The following SLC25A13 variants were observed in gnomAD, a reference collection of about 807,000 sequenced individuals.
SLC25A13 encodes the protein electrogenic aspartate/glutamate antiporter SLC25A13, mitochondrial.
In SLC25A13, 70 loss-of-function variants were observed where a neutral mutation model predicts 85.5. That is an observed-to-expected ratio of 0.82 (90% CI 0.68 to 1.00). SLC25A13 has a LOEUF of 1.00. Ranked by LOEUF, SLC25A13 falls within the 50% of genes least tolerant of loss-of-function variation. SLC25A13 has a pLI of 0.00. For synonymous variants in SLC25A13, 259 were observed against 288.7 expected (o/e 0.90, Z 1.04); for missense variants, 765 against 819.8 (o/e 0.93, Z 0.82).
chr7:96,185,801 G>A (rs1427707645), intron 9 of SLC25A13, among the ~76,000 whole-genome samples: 1 of 151,856 alleles, frequency 6.6e-6, no homozygotes, highest in East Asian at 1.9e-4. Context: ...TTGGGAAGCT[G>A]AGGCAGGAGA....
chr7:96,240,290 C>T (rs955646795), intron 3 of SLC25A13, among the ~76,000 whole-genome samples: 14 of 152,068 alleles, frequency 9.2e-5, no homozygotes, highest in Admixed American at 3.9e-4. Flanking sequence ...ACTGAAATTG[C>T]GAACACATGA....
chr7:96,228,792 T>G (rs1345819870), intron 4 of SLC25A13, among the ~76,000 whole-genome samples: 1 of 152,158 alleles, frequency 6.6e-6, no homozygotes, highest in Non-Finnish European at 1.5e-5. Flanking sequence ...CCGCGGGCCC[T>G]GCACTCGGAG....
chr7:96,154,078 A>G (rs1793155232), intron 13 of SLC25A13, among the ~76,000 whole-genome samples: 1 of 152,172 alleles, frequency 6.6e-6, no homozygotes, highest in African/African-American at 2.4e-5. Context: ...TCCTAAGTTA[A>G]TCTAAATTCA....
At chr7:96,189,785 A>C in intron 7 of SLC25A13, 111 bp from the exon 8 acceptor site, 1 of 918,834 alleles carries the variant, frequency 1.1e-6, no homozygotes, top group Non-Finnish European at 1.8e-6. Context: ...TATTATTATC[A>C]TCAGTTGTAG....
intron 14 of SLC25A13, among the ~76,000 whole-genome samples, chr7:96,134,433 T>TA (rs1792176642): frequency 6.6e-6 from 1 of 151,850 alleles, no homozygotes; most frequent in Non-Finnish European, 1.5e-5. Context: ...CATTAAAGTT[T>TA]AAAAAAAGGG....
At chr7:96,296,714 C>T (rs756942122) in intron 2 of SLC25A13, among the ~76,000 whole-genome samples, 184 bp downstream of exon 2, 2 of 152,158 alleles carry the variant, frequency 1.3e-5, no homozygotes, top group Non-Finnish European at 2.9e-5. Context: ...CTCCTGACCT[C>T]AGGGGATCCA....
chr7:96,185,192 T>G (rs1264763634), intron 9 of SLC25A13, among the ~76,000 whole-genome samples, 181 bp from the exon 10 acceptor site: 1 of 152,232 alleles, frequency 6.6e-6, no homozygotes, highest in East Asian at 1.9e-4. Context: ...TAAAAAGATT[T>G]TAGTGCTATT....
intron 11 of SLC25A13, among the ~76,000 whole-genome samples, chr7:96,171,741 G>A (rs1046302376): frequency 6.6e-6 from 1 of 152,066 alleles, no homozygotes; most frequent in African/African-American, 2.4e-5. Flanking sequence ...ATTCTGGATC[G>A]TTTGCACATT....
chr7:96,267,884 T>C (rs998660189), intron 3 of SLC25A13, among the ~76,000 whole-genome samples: 8 of 152,166 alleles, frequency 5.3e-5, no homozygotes, highest in Non-Finnish European at 1.2e-4. Flanking sequence ...CAAGGCGGTA[T>C]GGTGAATCTG....
intron 15 of SLC25A13, among the ~76,000 whole-genome samples, chr7:96,129,037 A>G (rs538618394): frequency 1.3e-5 from 2 of 149,308 alleles, no homozygotes; most frequent in South Asian, 2.1e-4. Flanking sequence ...AAGTTGACCA[A>G]TGGAGAGGCC....
intron 2 of SLC25A13, chr7:96,283,722 C>T: frequency 3.7e-6 from 1 of 267,154 alleles, no homozygotes; most frequent in Non-Finnish European, 7.3e-6. Context: ...CTGGTGTCAG[C>T]CTGCTCCACG....
intron 1 of SLC25A13, among the ~76,000 whole-genome samples, chr7:96,318,521 C>T (rs1048245898): frequency 4.6e-5 from 7 of 152,124 alleles, no homozygotes; most frequent in Non-Finnish European, 8.8e-5. Flanking sequence ...TTGAGATAAT[C>T]TCAGAATACT....
At chr7:96,229,740 G>A (rs1456663698) in intron 4 of SLC25A13, among the ~76,000 whole-genome samples, 1 of 152,144 alleles carries the variant, frequency 6.6e-6, no homozygotes, top group Admixed American at 6.5e-5. Context: ...GCGAAAGTCT[G>A]CAGCTTCACT....
intron 5 of SLC25A13, 148 bp from the exon 6 acceptor site, chr7:96,193,331 A>C: frequency 1.1e-6 from 1 of 936,306 alleles, no homozygotes; most frequent in Non-Finnish European, 1.6e-6. Flanking sequence ...CCACCAAGCT[A>C]CTGTCTCCTT....
chr7:96,155,788 T>C (rs963066983), intron 13 of SLC25A13, among the ~76,000 whole-genome samples: 2 of 152,224 alleles, frequency 1.3e-5, no homozygotes, highest in African/African-American at 4.8e-5. Context: ...TAGGAGGCAC[T>C]GTGCTAAACT....
intron 3 of SLC25A13, among the ~76,000 whole-genome samples, chr7:96,241,171 T>G (rs1796983245): frequency 6.7e-6 from 1 of 149,618 alleles, no homozygotes; most frequent in African/African-American, 2.5e-5. Flanking sequence ...ACAGCAAGAG[T>G]CTCAAAGATG....
chr7:96,131,700 G>C lies in SLC25A13; in HGVS notation c.1591+43C>G, dbSNP rs1002312963. 3 of 1,612,638 alleles carry C rather than the reference G, an allele frequency of 1.9e-6. No homozygotes were observed. In the East Asian group the frequency reaches 6.7e-5, roughly 36 times the overall value. ...AGCATGCAGCTAGGGAAGGGGGGCA[G>C]CAAGGGTCAGGGAAGTAAGAGAACT... On this transcript the variant is annotated intron_variant, in intron 15 of 17. Transcript: ENST00000265631.
chr7:96,280,883 A>G (rs1408375243), intron 2 of SLC25A13, among the ~76,000 whole-genome samples: 2 of 152,224 alleles, frequency 1.3e-5, no homozygotes, highest in Non-Finnish European at 2.9e-5. Flanking sequence ...AGTATCTGCT[A>G]TAGCTGAACA....
chr7:96,195,425 C>T (rs1795022373), intron 5 of SLC25A13, among the ~76,000 whole-genome samples: 1 of 152,206 alleles, frequency 6.6e-6, no homozygotes, highest in African/African-American at 2.4e-5. Context: ...CTGGTTCAGA[C>T]TTTCCTCAGA....
Sources: allele counts gnomAD v4.1 joint callset (sites outside exome capture counted in the v4.1 genomes callset), GRCh38; gene constraint gnomAD v4.1.1; transcripts MANE v1.5; gene names NCBI Gene and HGNC (gene_info 2026-07-23, HGNC 2026-07-21).